Variants in LASP1NB observed in about 807,000 individuals in gnomAD.
LASP1NB encodes the protein LASP1 neighbor protein.
the LASP1NB span, chr17:38,926,893 G>A: frequency 6.6e-6 from 1 of 152,038 alleles, no homozygotes; most frequent in South Asian, 2.1e-4. Context: ...GGTTTCTCTT[G>A]TCTCACTCTC....
the LASP1NB span, chr17:38,928,861 G>A: frequency 6.6e-6 from 1 of 152,268 alleles, no homozygotes; most frequent in Non-Finnish European, 1.5e-5. Flanking sequence ...GCATGCGCCA[G>A]TATTTTGGAG....
chr17:38,926,054 G>A, the LASP1NB span, among the ~76,000 whole-genome samples: 2 of 151,822 alleles, frequency 1.3e-5, no homozygotes, highest in Admixed American at 1.3e-4. Flanking sequence ...CAATGTAAAC[G>A]ATTTTTAGGC....
chr17:38,928,622 T>C, the LASP1NB span: 3 of 152,192 alleles, frequency 2.0e-5, no homozygotes, highest in African/African-American at 7.2e-5. Flanking sequence ...TTAACAAGTA[T>C]GATACTGCAT....
At chr17:38,926,207 C>G in the LASP1NB span, among the ~76,000 whole-genome samples, 5 of 152,124 alleles carry the variant, frequency 3.3e-5, no homozygotes, top group Admixed American at 6.5e-5. Context: ...AGCATACTTG[C>G]AATATAGTTG....
At chr17:38,927,750 A>C in the LASP1NB span, 1 of 152,010 alleles carries the variant, frequency 6.6e-6, no homozygotes, top group South Asian at 2.1e-4. Context: ...GTGTTTAAAA[A>C]TTATGGACAA....
chr17:38,925,958 A>G, the LASP1NB span: 1 of 384,652 alleles, frequency 2.6e-6, no homozygotes, highest in Non-Finnish European at 4.6e-6. Context: ...TTTTTCTTAG[A>G]CCACTCTGAA....
chr17:38,928,167 C>G, the LASP1NB span: 3 of 152,276 alleles, frequency 2.0e-5, no homozygotes, highest in South Asian at 6.2e-4. Flanking sequence ...AGGGCTAGGC[C>G]AGGTGCTATG....
At chr17:38,928,997 C>T in the LASP1NB span, 3 of 152,088 alleles carry the variant, frequency 2.0e-5, no homozygotes, top group African/African-American at 7.2e-5. Context: ...AACAACTAAT[C>T]AATTCAGTGA....
chr17:38,928,940 T>A, the LASP1NB span: 2 of 152,198 alleles, frequency 1.3e-5, no homozygotes, highest in Non-Finnish European at 2.9e-5. Context: ...CTTGCTCTGG[T>A]CTTTTGTGAC....
the LASP1NB span, chr17:38,925,663 T>C: frequency 2.5e-6 from 1 of 398,628 alleles, no homozygotes; most frequent in East Asian, 3.6e-5. Flanking sequence ...TTCACCAGAA[T>C]CCAGGGGCTT....
the LASP1NB span, chr17:38,926,653 A>G: frequency 2.0e-5 from 3 of 152,210 alleles, no homozygotes; most frequent in African/African-American, 4.8e-5. Flanking sequence ...GACTTATTAA[A>G]GTTACCGTGG....
chr17:38,926,446 C>G, the LASP1NB span: 1 of 152,136 alleles, frequency 6.6e-6, no homozygotes, highest in African/African-American at 2.4e-5. Context: ...AACAAGAGGC[C>G]TCTCATCCAC....
the LASP1NB span, chr17:38,928,070 A>C: frequency 6.6e-6 from 1 of 152,138 alleles, no homozygotes; most frequent in African/African-American, 2.4e-5. Context: ...AAACATAAAA[A>C]TTATGGACAA....
chr17:38,925,902 C>CA, the LASP1NB span: 3,838 of 306,140 alleles, frequency 0.013, 6 homozygotes, highest in African/African-American at 0.021. Context: ...GTATTGATTC[C>CA]AAAAAAAAAA....
chr17:38,927,966 TG>T, the LASP1NB span: 4 of 151,660 alleles, frequency 2.6e-5, no homozygotes, highest in African/African-American at 9.7e-5. Context: ...CGCTTGAACC[TG>T]GGAGGCAGAG....
the LASP1NB span, chr17:38,925,930 G>C: frequency 1.0e-5 from 4 of 393,152 alleles, no homozygotes; most frequent in South Asian, 5.7e-4. Context: ...AAAAAAGAAA[G>C]AGTTTGCTTT....
chr17:38,927,396 A>C, the LASP1NB span: 1 of 152,174 alleles, frequency 6.6e-6, no homozygotes, highest in East Asian at 1.9e-4. Context: ...GGATCACCTG[A>C]GGTCAGGAGT....
At chr17:38,925,636 G>A in the LASP1NB span, 64 of 398,342 alleles carry the variant, frequency 1.6e-4, no homozygotes, top group Middle Eastern at 6.2e-4. Flanking sequence ...TGCAACCTCC[G>A]TGCTCACAGC....
At chr17:38,928,946 G>C in the LASP1NB span, 2 of 152,114 alleles carry the variant, frequency 1.3e-5, no homozygotes, top group Non-Finnish European at 2.9e-5. Context: ...CTGGTCTTTT[G>C]TGACATCAAG....
Sources: gnomAD v4.1 joint callset for allele counts (sites outside exome capture counted in the v4.1 genomes callset) on GRCh38, gnomAD v4.1.1 for gene constraint, MANE v1.5 for transcripts, NCBI Gene and HGNC (gene_info 2026-07-23, HGNC 2026-07-21) for gene names.